HDAC4: variants seen among roughly 807,000 people sequenced by gnomAD.
HDAC4 encodes histone deacetylase 4, also known as histone deacetylase A.
Under a neutral mutation model 135.1 loss-of-function variants are expected in HDAC4, and 16 were observed. The observed-to-expected ratio is 0.12, with a 90% confidence interval of 0.08 to 0.18. HDAC4 has a LOEUF of 0.18. Among genes scored for constraint, HDAC4 ranks in the 10% least tolerant of loss-of-function variants. The probability of loss-of-function intolerance (pLI) is 1.00; values close to 1 mark genes in which losing one functional copy is unlikely to be tolerated. For synonymous variants in HDAC4, 685 were observed against 653.4 expected, an observed-to-expected ratio of 1.05 and a Z score of -0.74; for missense variants, 1,143 against 1,511.8, an observed-to-expected ratio of 0.76 and a Z score of 4.05.
At chr2:239,304,512 G>C (rs1240609963) in intron 2 of HDAC4, among the ~76,000 whole-genome samples, 1 of 152,202 alleles carries the variant, frequency 6.6e-6, no homozygotes, top group Non-Finnish European at 1.5e-5. Context: ...GAAACGTCCT[G>C]AAAGCTCCAC....
chr2:239,172,558 G>A (rs2043521953), intron 5 of HDAC4, among the ~76,000 whole-genome samples: 1 of 151,950 alleles, frequency 6.6e-6, no homozygotes, highest in African/African-American at 2.4e-5. Context: ...AGAAGACAGA[G>A]CTGAAATCAA....
intron 1 of HDAC4, among the ~76,000 whole-genome samples, chr2:239,370,416 T>C (rs1294019097): frequency 6.6e-6 from 1 of 152,160 alleles, no homozygotes; most frequent in Non-Finnish European, 1.5e-5. Context: ...AGATGCAGTT[T>C]TAAAGACTGC....
At chr2:239,114,674 C>T (rs1244800171) in intron 13 of HDAC4, among the ~76,000 whole-genome samples, 1 of 152,182 alleles carries the variant, frequency 6.6e-6, no homozygotes, top group Non-Finnish European at 1.5e-5. Context: ...TCAGGCCCTG[C>T]CTGCCTTTTT....
intron 3 of HDAC4, 71 bp from the exon 4 acceptor site, chr2:239,190,148 C>G: frequency 6.5e-7 from 1 of 1,533,432 alleles, no homozygotes; most frequent in Admixed American, 1.9e-5. Flanking sequence ...GAGCCCCCAC[C>G]CAACACACTG....
chr2:239,107,980 G>T, intron 15 of HDAC4, 70 bp downstream of exon 15: 2 of 1,584,308 alleles, frequency 1.3e-6, no homozygotes, highest in South Asian at 2.2e-5. Flanking sequence ...CCTGAATCAC[G>T]CGGGCCCACG....
At position 239,139,779 on chromosome 2, in the gene HDAC4, C is replaced by G. The variant is rs771056077; in HGVS notation, c.883G>C (p.Ala295Pro). Residue 295 changes from alanine (A) to proline (P), a missense_variant, in exon 9 of 27, where the codon GCC becomes CCC. Around this residue, in one of 9 missense-constraint regions of HDAC4, gnomAD observed 272 missense variants for 309.7 expected, o/e 0.88. Transcript: ENST00000543185. The surrounding 1 kb of genome is among the most constrained non-coding windows in gnomAD (Gnocchi z 5.3). ...LDVTDSACSSAPGSGPSSPNN... is the reference protein window; with the variant it reads ...LDVTDSACSSPPGSGPSSPNN... The stretch of plus-strand genomic sequence containing the variant: ...GGTGAGCTGGGTCCGGAGCCTGGGG[C>G]GCTGCTGCACGCGGAGTCTGCGGAG... 3 of 1,613,850 alleles carry G rather than the reference C, an allele frequency of 1.9e-6. No individual in the cohort carries two copies. Among genetic ancestry groups the G allele is most frequent in the African/African-American group, 2.7e-5 (2 of 74,906 alleles).
At chr2:239,060,604 G>T (rs1389900218) in intron 24 of HDAC4, among the ~76,000 whole-genome samples, 1 of 152,234 alleles carries the variant, frequency 6.6e-6, no homozygotes, top group Admixed American at 6.5e-5. Flanking sequence ...GCCAAGTGCT[G>T]CTGAGGTCTG....
At chr2:239,114,639 G>C (rs1407514355) in intron 13 of HDAC4, among the ~76,000 whole-genome samples, 1 of 152,126 alleles carries the variant, frequency 6.6e-6, no homozygotes, top group Non-Finnish European at 1.5e-5. Context: ...AGCACCTCTG[G>C]GTCACAAAAG....
chr2:239,100,709 C>G (rs553660058), intron 16 of HDAC4, among the ~76,000 whole-genome samples: 10 of 152,284 alleles, frequency 6.6e-5, no homozygotes, highest in Admixed American at 1.3e-4. Context: ...TGTTGGGAAC[C>G]CCTGATGTCA....
rs970808527 is a variant in HDAC4 at position 239,245,939 on chromosome 2, C to A, written c.23-9275G>T. Among the ~76,000 whole-genome samples the A allele has an allele frequency of 6.6e-6, 1 of 152,138 alleles. No individual in the cohort carries two copies. Among genetic ancestry groups the A allele is most frequent in the African/African-American group, 2.4e-5 (1 of 41,412 alleles). On this transcript the variant is annotated intron_variant, in intron 2 of 26. Transcript: ENST00000543185. The surrounding 1 kb of genome is among the most constrained non-coding windows in gnomAD (Gnocchi z 4.4). The stretch of plus-strand genomic sequence containing the variant: ...CGAGCAGGCCCTGAGCGTCTGGGAA[C>A]GTGAGAGTGAGCAACGCAGAGGCCT...
chr2:239,288,646 G>A lies in HDAC4; in HGVS notation c.23-51982C>T, dbSNP rs1424686517. The stretch of plus-strand genomic sequence containing the variant: ...AAATCAACTGCAATTCCAAAAACTA[G>A]CAAGGGAAAACTTAATTAAAAAAAA... On this transcript the variant is annotated intron_variant, in intron 2 of 26. Transcript: ENST00000543185. 3.3e-5 allele frequency among the ~76,000 whole-genome samples: 5 copies of A among 151,352 alleles called. 1 individual carries two copies. The highest frequency in any genetic ancestry group is 6.6e-5 in the Admixed American group (1 of 15,192).
At chr2:239,114,424 C>T (rs1018936727) in intron 13 of HDAC4, among the ~76,000 whole-genome samples, 2 of 152,228 alleles carry the variant, frequency 1.3e-5, no homozygotes, top group Admixed American at 6.5e-5. Flanking sequence ...GCTGCAGATA[C>T]GGGGCTCCAG....
chr2:239,065,202 G>A (rs1358908370), intron 24 of HDAC4, among the ~76,000 whole-genome samples: 1 of 152,168 alleles, frequency 6.6e-6, no homozygotes, highest in Non-Finnish European at 1.5e-5. Context: ...AGGCCAGAGC[G>A]CCTGTCAGTA....
At chr2:239,276,207 G>C (rs567583704) in intron 2 of HDAC4, among the ~76,000 whole-genome samples, 1 of 152,354 alleles carries the variant, frequency 6.6e-6, no homozygotes, top group East Asian at 1.9e-4. Context: ...TAGAGCAGCT[G>C]CACCAGTCTT....
At chr2:239,377,374 G>A (rs1244839401) in intron 1 of HDAC4, among the ~76,000 whole-genome samples, 1 of 152,206 alleles carries the variant, frequency 6.6e-6, no homozygotes, top group Non-Finnish European at 1.5e-5. Flanking sequence ...GTGACTCTCT[G>A]TGTTGCCAGC....
At chr2:239,291,688 C>A (rs1054157716) in intron 2 of HDAC4, among the ~76,000 whole-genome samples, 8 of 152,228 alleles carry the variant, frequency 5.3e-5, no homozygotes, top group Non-Finnish European at 1.2e-4. Context: ...AGGTTAATTT[C>A]TACTTACAGC....
chr2:239,064,783 T>C (rs534503212), intron 24 of HDAC4, among the ~76,000 whole-genome samples: 4 of 152,268 alleles, frequency 2.6e-5, no homozygotes, highest in African/African-American at 9.6e-5. Context: ...CCTTTTGTTC[T>C]AACGCTCACA....
At chr2:239,350,847 G>A (rs1693101379) in intron 2 of HDAC4, among the ~76,000 whole-genome samples, 1 of 152,100 alleles carries the variant, frequency 6.6e-6, no homozygotes, top group South Asian at 2.1e-4. Flanking sequence ...GACGTCTTTA[G>A]ACTGAAACAA....
At chr2:239,289,695 C>A (rs2051351251) in intron 2 of HDAC4, among the ~76,000 whole-genome samples, 1 of 152,236 alleles carries the variant, frequency 6.6e-6, no homozygotes, top group Non-Finnish European at 1.5e-5. Flanking sequence ...CCTGGCTCAT[C>A]TGATGTGGGA....
Sources: gnomAD v4.1 joint callset for allele counts (sites outside exome capture counted in the v4.1 genomes callset) on GRCh38, gnomAD v4.1.1 for gene constraint, gnomAD v4.1.1 regional missense constraint, Gnocchi (gnomAD v3.1) non-coding constraint, MANE v1.5 for transcripts, NCBI Gene and HGNC (gene_info 2026-07-23, HGNC 2026-07-21) for gene names.